SEPTIN9: variants seen among roughly 807,000 people sequenced by gnomAD.
SEPTIN9 encodes the protein septin-9.
In SEPTIN9, 13 loss-of-function variants were observed where a neutral mutation model predicts 56.6. That is an observed-to-expected ratio of 0.23 (90% confidence interval 0.15 to 0.37). The LOEUF (loss-of-function observed/expected upper bound fraction) is 0.37, where lower values mean the gene tolerates loss of function less well. SEPTIN9 is among the 10% of genes least tolerant of loss of function. SEPTIN9 has a pLI of 1.00. For missense variants in SEPTIN9, 650 were observed against 823.1 expected (o/e 0.79, Z 2.57); for synonymous variants, 332 against 334.1 (o/e 0.99, Z 0.07).
chr17:77,390,987 C>T (rs2035521808), intron 2 of SEPTIN9, among the ~76,000 whole-genome samples: 1 of 152,194 alleles, frequency 6.6e-6, no homozygotes, highest in Admixed American at 6.5e-5. Context: ...GAGACAACAG[C>T]AGAAAGCTCT....
intron 2 of SEPTIN9, among the ~76,000 whole-genome samples, chr17:77,393,930 C>G (rs1438653516): frequency 1.3e-5 from 2 of 152,176 alleles, no homozygotes; most frequent in Non-Finnish European, 2.9e-5. Context: ...GCAGGTGACA[C>G]TGAGGACACT....
rs890306190 is a variant in SEPTIN9, at chr17:77,327,283, G to A, written c.76+20086G>A. ...CGGCCTGCTCCCACCAGGGGCTGAG[G>A]CCTCCTTGCTCACTCCAGCTTCCTG... On this transcript the variant is annotated intron_variant, in intron 2 of 11. Transcript: ENST00000427177. This position sits in a 1 kb window ranked among gnomAD's most constrained non-coding sequence, Gnocchi z 5.0. Among the ~76,000 whole-genome samples the A allele has an allele frequency of 3.3e-5, 5 of 152,098 alleles. No homozygotes were observed. The highest frequency in any genetic ancestry group is 5.9e-5 in the Non-Finnish European group (4 of 68,014).
intron 3 of SEPTIN9, among the ~76,000 whole-genome samples, chr17:77,473,555 C>T (rs1030347270): frequency 2.6e-5 from 4 of 152,064 alleles, no homozygotes; most frequent in African/African-American, 9.7e-5. Context: ...ATGAACCGTT[C>T]AAAATACGTG....
chr17:77,391,183 T>C (rs759967840), intron 2 of SEPTIN9, among the ~76,000 whole-genome samples: 1 of 152,174 alleles, frequency 6.6e-6, no homozygotes, highest in Non-Finnish European at 1.5e-5. Context: ...ACTCAGTGGC[T>C]AGAAGGGGCT....
intron 2 of SEPTIN9, among the ~76,000 whole-genome samples, chr17:77,315,386 CA>C (rs776523165): frequency 6.6e-6 from 1 of 151,832 alleles, no homozygotes; most frequent in Non-Finnish European, 1.5e-5. Flanking sequence ...CTCCCAGGTT[CA>C]AGCAATTCTC....
In SEPTIN9 at chr17:77,405,228, C is replaced by T. The variant is rs2117924; in HGVS notation, c.721+2525C>T. The T allele has an allele frequency of 0.37, 451,959 of 1,207,624 alleles. 89,274 individuals are homozygous for T. The highest frequency in any genetic ancestry group is 0.48 in the African/African-American group (31,467 of 65,700). 74.8% of individuals were successfully genotyped at this position (1,207,624 alleles called of 1,614,324 possible). A position where few individuals can be genotyped will look rare whatever the true frequency, so the allele number is the denominator to read the frequency against. Reference sequence around the variant, plus strand: ...CCCTAAATTGTGCCAGAGACTGTGCCGGGAGCCAGGCCCAGGGACACAACC... The same window carrying T: ...CCCTAAATTGTGCCAGAGACTGTGCTGGGAGCCAGGCCCAGGGACACAACC... On this transcript the variant is annotated intron_variant, in intron 3 of 11. Transcript: ENST00000427177. The surrounding 1 kb of genome is among the most constrained non-coding windows in gnomAD (Gnocchi z 5.8).
chr17:77,355,054 T>A (rs954122820), intron 2 of SEPTIN9, among the ~76,000 whole-genome samples: 1 of 152,298 alleles, frequency 6.6e-6, no homozygotes, highest in South Asian at 2.1e-4. Flanking sequence ...AGGATTAGAA[T>A]GCTTTTCTAC....
intron 2 of SEPTIN9, among the ~76,000 whole-genome samples, chr17:77,370,816 G>A (rs987440651): frequency 1.3e-5 from 2 of 152,164 alleles, no homozygotes; most frequent in Non-Finnish European, 1.5e-5. Context: ...TAGCAATGAG[G>A]CCTCATTAAA....
rs1598395961 is a variant in SEPTIN9, at chr17:77,451,495, C to T, written c.722-30649C>T. 8 of 985,772 alleles carry T rather than the reference C, an allele frequency of 8.1e-6. No homozygotes were observed. Among genetic ancestry groups the T allele is most frequent in the South Asian group, 4.7e-5 (1 of 21,296 alleles). 61.1% of individuals were successfully genotyped at this position (985,772 alleles called of 1,614,324 possible). A position where few individuals can be genotyped will look rare whatever the true frequency, so the allele number is the denominator to read the frequency against. On this transcript the variant is annotated intron_variant, in intron 3 of 11. Transcript: ENST00000427177. The surrounding 1 kb of genome is among the most constrained non-coding windows in gnomAD (Gnocchi z 4.2). ...CCGGTGGGCGGGCCGCGGCTCTCGG[C>T]GCGTCCAGCGCAGCCCGACGTTCCG...
rs570498973 is a variant in SEPTIN9 at position 77,445,526 on chromosome 17, G to A, written c.722-36618G>A. ...GGGGTTGGTGCATGTGTGCACGCAC[G>A]TGTGTGTGTGTGTGCGTGCGTGCTG... On this transcript the variant is annotated intron_variant, in intron 3 of 11. Transcript: ENST00000427177. The surrounding 1 kb of genome is among the most constrained non-coding windows in gnomAD (Gnocchi z 4.7). 2.6e-4 allele frequency: 88 copies of A among 333,888 alleles called. No homozygotes were observed. Among genetic ancestry groups the A allele is most frequent in the Non-Finnish European group, 4.8e-4 (77 of 159,116 alleles). 20.7% of individuals were successfully genotyped at this position (333,888 alleles called of 1,614,324 possible).
At chr17:77,497,232 A>G in intron 10 of SEPTIN9, 83 bp from the exon 11 acceptor site, 1 of 1,411,866 alleles carries the variant, frequency 7.1e-7, no homozygotes, top group Non-Finnish European at 9.9e-7. Context: ...TGGCACCAGC[A>G]TTTCTGGGCA....
In SEPTIN9 at chr17:77,294,117, A is replaced by C. The variant is rs4789433; in HGVS notation, c.19+12563A>C. ...AGACCATGTCTCAAAAAAAAAAAAAAAACAACAAAAAAAAACATAGGCTGG... is the reference window on the plus strand; with the variant it reads ...AGACCATGTCTCAAAAAAAAAAAAACAACAACAAAAAAAAACATAGGCTGG... On this transcript the variant is annotated intron_variant, in intron 1 of 11. Coordinates refer to ENST00000427177, the MANE Select transcript of SEPTIN9 (RefSeq NM_001113491.2). Among the ~76,000 whole-genome samples, 848 of 119,340 alleles carry C rather than the reference A, an allele frequency of 7.1e-3. 11 individuals carry two copies. Among genetic ancestry groups the C allele is most frequent in the African/African-American group, 0.021 (766 of 36,086 alleles). 78.3% of individuals were successfully genotyped at this position (119,340 alleles called of 152,430 possible).
At chr17:77,287,290 G>T (rs536139474) in intron 1 of SEPTIN9, among the ~76,000 whole-genome samples, 36 of 152,330 alleles carry the variant, frequency 2.4e-4, no homozygotes, top group Non-Finnish European at 3.8e-4. Flanking sequence ...AAGTGCCCCC[G>T]TGGCCGATGG....
intron 1 of SEPTIN9, among the ~76,000 whole-genome samples, chr17:77,287,168 A>G (rs2031318684): frequency 6.6e-6 from 1 of 152,220 alleles, no homozygotes; most frequent in Admixed American, 6.5e-5. Flanking sequence ...CGCTGACCAA[A>G]GGGAGTCAGT....
intron 1 of SEPTIN9, chr17:77,281,801 C>T (rs2031036621): frequency 6.0e-6 from 3 of 499,322 alleles, no homozygotes; most frequent in Non-Finnish European, 1.1e-5. Context: ...GGGGACGCTC[C>T]CTCTTCCTCG....
intron 2 of SEPTIN9, among the ~76,000 whole-genome samples, chr17:77,366,099 G>C (rs1172482954): frequency 6.6e-6 from 1 of 152,172 alleles, no homozygotes; most frequent in Non-Finnish European, 1.5e-5. Flanking sequence ...GGGGTGAGGA[G>C]GTACCAGCTG....
rs2037978690 is a variant in SEPTIN9 at position 77,451,683 on chromosome 17, G to A, written c.722-30461G>A. Among the ~76,000 whole-genome samples the A allele has an allele frequency of 6.6e-6, 1 of 152,354 alleles. No individual in the cohort carries two copies. The highest frequency in any genetic ancestry group is 2.4e-5 in the African/African-American group (1 of 41,586). On this transcript the variant is annotated intron_variant, in intron 3 of 11. Transcript: ENST00000427177. This position sits in a 1 kb window ranked among gnomAD's most constrained non-coding sequence, Gnocchi z 4.2. ...GCCCGAGGCCGGCAGGACCGAGCGG[G>A]GTCCCCAGGAGAGGGGTGGCGGGGA...
chr17:77,428,978 TATA>T (rs2037019843), intron 3 of SEPTIN9: 2 of 470,562 alleles, frequency 4.3e-6, no homozygotes, highest in South Asian at 1.5e-5. Context: ...ACAGTCAGTG[TATA>T]ATAAGTGGTA....
intron 2 of SEPTIN9, among the ~76,000 whole-genome samples, chr17:77,364,797 T>TGCA (rs1367117290): frequency 6.6e-6 from 1 of 152,242 alleles, no homozygotes; most frequent in Non-Finnish European, 1.5e-5. Context: ...GTCCTGGGGC[T>TGCA]GCTGGCTGAG....
Sources: gnomAD v4.1 joint callset for allele counts (sites outside exome capture counted in the v4.1 genomes callset) on GRCh38, gnomAD v4.1.1 for gene constraint, Gnocchi (gnomAD v3.1) non-coding constraint, MANE v1.5 for transcripts, NCBI Gene and HGNC (gene_info 2026-07-23, HGNC 2026-07-21) for gene names.